TRPC7: variants seen among roughly 807,000 people sequenced by gnomAD.
The protein encoded by TRPC7 is transient receptor potential cation channel subfamily C member 7, also known as short transient receptor potential channel 7.
Under a neutral mutation model 90.1 loss-of-function variants are expected in TRPC7, and 42 were observed. The observed-to-expected ratio is 0.47, with a 90% CI of 0.36 to 0.60. The LOEUF (loss-of-function observed/expected upper bound fraction) is 0.60. TRPC7 is among the 20% of genes least tolerant of loss of function. The pLI is 0.00. For missense variants in TRPC7, 955 were observed against 1,112.3 expected (o/e 0.86, Z 2.01); for synonymous variants, 451 against 436.3 (o/e 1.03, Z -0.42).
chr5:136,313,300 G>T (rs1232423048), intron 3 of TRPC7, among the ~76,000 whole-genome samples: 1 of 152,030 alleles, frequency 6.6e-6, no homozygotes, highest in East Asian at 1.9e-4. Flanking sequence ...TTAATGGGTT[G>T]ATTTTATGCC....
intron 3 of TRPC7, 110 bp from the exon 4 acceptor site, chr5:136,274,947 G>C: frequency 7.8e-7 from 1 of 1,276,906 alleles, no homozygotes; most frequent in African/African-American, 1.5e-5. Flanking sequence ...TGCTCCACCT[G>C]GGGGGTGGTT....
intron 4 of TRPC7, among the ~76,000 whole-genome samples, chr5:136,268,315 A>G (rs145845960): frequency 1.3e-5 from 2 of 150,300 alleles, no homozygotes; most frequent in African/African-American, 5.0e-5. Flanking sequence ...GACTGCAGGG[A>G]GGAGAATAGA....
At chr5:136,254,440 A>G (rs1442800263) in intron 5 of TRPC7, among the ~76,000 whole-genome samples, 1 of 152,180 alleles carries the variant, frequency 6.6e-6, no homozygotes, top group Non-Finnish European at 1.5e-5. Context: ...GCCCTTAAGA[A>G]TTATGCTAAA....
intron 7 of TRPC7, among the ~76,000 whole-genome samples, chr5:136,241,161 C>G (rs1007023184): frequency 3.3e-5 from 5 of 152,174 alleles, no homozygotes; most frequent in African/African-American, 1.2e-4. Flanking sequence ...CCATAAGTGT[C>G]ACGGAAAATA....
At chr5:136,314,336 T>A (rs1413183846) in intron 3 of TRPC7, 1 of 152,166 alleles carries the variant, frequency 6.6e-6, no homozygotes, top group Non-Finnish European at 1.5e-5. Flanking sequence ...ACTGCGTACT[T>A]TGGTGAAAAG....
rs538807604 is a variant in TRPC7 at position 136,230,451 on chromosome 5, A to G, written c.2040+903T>C. Among the ~76,000 whole-genome samples, 7 of 152,198 alleles carry G rather than the reference A, an allele frequency of 4.6e-5. No homozygotes were observed. The South Asian group carries it at 1.5e-3, about 32-fold the overall frequency. On this transcript the variant is annotated intron_variant, in intron 8 of 11. Transcript: ENST00000513104. The stretch of plus-strand genomic sequence containing the variant: ...TCACATTCCCTTTTCTTTCTCTCTT[A>G]CACAAGAGAGAGCCCACTATATACA...
At chr5:136,343,462 C>T (rs1759907097) in intron 2 of TRPC7, among the ~76,000 whole-genome samples, 2 of 152,254 alleles carry the variant, frequency 1.3e-5, no homozygotes, top group South Asian at 4.1e-4. Context: ...AAGGGTCCTT[C>T]CCTATTCCTT....
intron 3 of TRPC7, among the ~76,000 whole-genome samples, chr5:136,279,304 G>T (rs1757470088): frequency 6.6e-6 from 1 of 152,210 alleles, no homozygotes; most frequent in South Asian, 2.1e-4. Flanking sequence ...CCAGAGAATG[G>T]TTTTTTGATG....
chr5:136,223,277 G>A (rs1161007124), intron 10 of TRPC7, among the ~76,000 whole-genome samples: 2 of 152,208 alleles, frequency 1.3e-5, no homozygotes, highest in South Asian at 2.1e-4. Flanking sequence ...CTCAACCAGC[G>A]AGGACGGAAG....
intron 2 of TRPC7, among the ~76,000 whole-genome samples, chr5:136,329,871 C>T (rs1759447248): frequency 6.6e-6 from 1 of 152,158 alleles, no homozygotes; most frequent in South Asian, 2.1e-4. Context: ...GCTGGTTCAA[C>T]TGCGGTAAAA....
chr5:136,343,221 A>G (rs1466086183), intron 2 of TRPC7, among the ~76,000 whole-genome samples: 6 of 152,208 alleles, frequency 3.9e-5, no homozygotes, highest in Non-Finnish European at 7.3e-5. Context: ...ACAAGACTAA[A>G]TGCATAAACC....
chr5:136,228,168 C>G (rs1755691269), intron 8 of TRPC7, among the ~76,000 whole-genome samples: 1 of 152,026 alleles, frequency 6.6e-6, no homozygotes, highest in African/African-American at 2.4e-5. Context: ...ATTGTTGTAC[C>G]CAGAGCTGGA....
intron 5 of TRPC7, among the ~76,000 whole-genome samples, chr5:136,257,063 C>A (rs956146953): frequency 1.3e-5 from 2 of 152,164 alleles, no homozygotes; most frequent in South Asian, 2.1e-4. Flanking sequence ...TGGGCACATT[C>A]GAGTGATGAG....
intron 2 of TRPC7, among the ~76,000 whole-genome samples, chr5:136,332,237 T>C (rs1759526084): frequency 6.6e-6 from 1 of 152,016 alleles, no homozygotes; most frequent in African/African-American, 2.4e-5. Flanking sequence ...TCTGGGGTTT[T>C]TGAGGAGTAG....
chr5:136,324,575 A>G (rs1759289947), intron 2 of TRPC7, among the ~76,000 whole-genome samples: 2 of 152,172 alleles, frequency 1.3e-5, no homozygotes, highest in Non-Finnish European at 1.5e-5. Context: ...TTTATTATTG[A>G]CATGAATTTC....
chr5:136,217,222 AAGAGGAC>A (rs1441854382), intron 10 of TRPC7, among the ~76,000 whole-genome samples: 1 of 152,236 alleles, frequency 6.6e-6, no homozygotes, highest in Non-Finnish European at 1.5e-5. Flanking sequence ...CCTGAGGACC[AAGAGGAC>A]AGAGGCAGCA....
At chr5:136,335,986 A>T (rs1759650053) in intron 2 of TRPC7, among the ~76,000 whole-genome samples, 1 of 149,554 alleles carries the variant, frequency 6.7e-6, no homozygotes, top group Non-Finnish European at 1.5e-5. Flanking sequence ...CCTCACTAAC[A>T]TCAACCCCCT....
intron 2 of TRPC7, among the ~76,000 whole-genome samples, chr5:136,355,724 G>T (rs1363593579): frequency 1.3e-5 from 2 of 152,232 alleles, no homozygotes; most frequent in African/African-American, 4.8e-5. Flanking sequence ...CATGAACCCA[G>T]GAGGCAGAGC....
chr5:136,234,070 C>A (rs1299074285), intron 7 of TRPC7, among the ~76,000 whole-genome samples: 2 of 152,182 alleles, frequency 1.3e-5, no homozygotes. Flanking sequence ...GCCTGGAATG[C>A]TGATATGTTC....
Sources: gnomAD v4.1 joint callset for allele counts (sites outside exome capture counted in the v4.1 genomes callset) on GRCh38, gnomAD v4.1.1 for gene constraint, MANE v1.5 for transcripts, NCBI Gene and HGNC (gene_info 2026-07-23, HGNC 2026-07-21) for gene names.